The following ZFYVE9 variants were observed in gnomAD, a reference collection of about 807,000 sequenced individuals.
ZFYVE9 encodes zinc finger FYVE-type containing 9.
In ZFYVE9, 43 loss-of-function variants were observed where a neutral mutation model predicts 126.7. That is an observed-to-expected ratio of 0.34 (90% CI 0.27 to 0.44). The LOEUF (loss-of-function observed/expected upper bound fraction) is 0.44, where lower values mean the gene tolerates loss of function less well. Ranked by LOEUF, ZFYVE9 falls within the 20% of genes least tolerant of loss-of-function variation. The pLI, the probability that ZFYVE9 is intolerant of heterozygous loss-of-function variation, is 1.00. For synonymous variants in ZFYVE9, 521 were observed against 597.4 expected, an observed-to-expected ratio of 0.87 and a Z score of 1.87; for missense variants, 1,476 against 1,697.0, an observed-to-expected ratio of 0.87 and a Z score of 2.29.
At chr1:52,251,390 G>GT (rs1014240547) in intron 4 of ZFYVE9, among the ~76,000 whole-genome samples, 9 of 152,014 alleles carry the variant, frequency 5.9e-5, no homozygotes, top group Admixed American at 3.3e-4. Flanking sequence ...GTTTTTTAAA[G>GT]TTTTTTTTAA....
intron 1 of ZFYVE9, among the ~76,000 whole-genome samples, chr1:52,153,090 C>G (rs971844634): frequency 6.6e-6 from 1 of 152,118 alleles, no homozygotes; most frequent in Admixed American, 6.5e-5. Context: ...CTAGAGCTGC[C>G]CAAGGAGAGC....
chr1:52,300,742 C>A (rs1471717835), intron 12 of ZFYVE9, among the ~76,000 whole-genome samples: 2 of 151,140 alleles, frequency 1.3e-5, no homozygotes, highest in Non-Finnish European at 2.9e-5. Context: ...TGTAGGTTTG[C>A]TGCTGATGAA....
At chr1:52,271,320 A>C (rs1210677239) in intron 7 of ZFYVE9, among the ~76,000 whole-genome samples, 4 of 152,288 alleles carry the variant, frequency 2.6e-5, no homozygotes, top group Non-Finnish European at 2.9e-5. Flanking sequence ...AGAGAAAGCA[A>C]ACTCTTTAAT....
intron 1 of ZFYVE9, among the ~76,000 whole-genome samples, chr1:52,167,440 T>C (rs1644524207): frequency 6.6e-6 from 1 of 152,176 alleles, no homozygotes; most frequent in Non-Finnish European, 1.5e-5. Context: ...AATTGCACGT[T>C]GCCATGAAGA....
intron 13 of ZFYVE9, among the ~76,000 whole-genome samples, chr1:52,328,957 G>T (rs531832974): frequency 4.8e-4 from 73 of 152,280 alleles, no homozygotes; most frequent in African/African-American, 1.8e-3. Context: ...AGATGATGAT[G>T]ATGCCTTAGA....
intron 16 of ZFYVE9, 146 bp downstream of exon 16, chr1:52,338,080 A>T: frequency 9.0e-7 from 1 of 1,110,218 alleles, no homozygotes; most frequent in Non-Finnish European, 1.2e-6. Flanking sequence ...GTAGAATTTT[A>T]AATTTCTGGT....
chr1:52,170,567 A>T (rs1323712464), intron 1 of ZFYVE9, among the ~76,000 whole-genome samples: 1 of 151,752 alleles, frequency 6.6e-6, no homozygotes, highest in East Asian at 1.9e-4. Context: ...AAGATGCATC[A>T]TTAGGTTATT....
chr1:52,270,737 ATTAATAT>A (rs1230215391), intron 7 of ZFYVE9, among the ~76,000 whole-genome samples: 1 of 148,998 alleles, frequency 6.7e-6, no homozygotes, highest in Non-Finnish European at 1.5e-5. Context: ...TTTTTATATC[ATTAATAT>A]TTAAGTATTT....
intron 1 of ZFYVE9, among the ~76,000 whole-genome samples, chr1:52,154,188 A>G (rs1644381525): frequency 6.6e-6 from 1 of 152,220 alleles, no homozygotes; most frequent in African/African-American, 2.4e-5. Context: ...GTCTCTATGG[A>G]CAGGAAAGGC....
At position 52,205,067 on chromosome 1, in the gene ZFYVE9, A is replaced by ATT. The variant is rs891218048; in HGVS notation, c.-142-11279_-142-11278dup. 3.3e-3 allele frequency among the ~76,000 whole-genome samples: 393 copies of ATT among 117,728 alleles called. 1 individual carries two copies. The highest frequency in any genetic ancestry group is 8.1e-3 in the African/African-American group (232 of 28,714). 77.2% of individuals were successfully genotyped at this position (117,728 alleles called of 152,430 possible). Reference sequence around the variant, plus strand: ...ATTTGGGTCAGGGTTTGTGCTGTGAATTTTTTTTTTTTTTTTTTTTTTTTG... The same window carrying ATT: ...ATTTGGGTCAGGGTTTGTGCTGTGAATTTTTTTTTTTTTTTTTTTTTTTTTTG... On this transcript the variant is annotated intron_variant, in intron 1 of 18. Coordinates refer to ENST00000287727, the MANE Select transcript of ZFYVE9 (RefSeq NM_004799.4).
rs558565616 is a variant in ZFYVE9 at position 52,149,548 on chromosome 1, CAAT to C, written c.-143+7146_-143+7148del. Among the ~76,000 whole-genome samples the C allele has an allele frequency of 2.5e-3, 386 of 152,304 alleles. 2 individuals carry two copies. Among genetic ancestry groups the C allele is most frequent in the African/African-American group, 8.3e-3 (345 of 41,568 alleles). On this transcript the variant is annotated intron_variant, in intron 1 of 18. Transcript: ENST00000287727. ...GATTTTAAGAATTGCCGTTACCTCT[CAAT>C]GATACATAATTTTATATAAATACAA...
At chr1:52,318,602 TAA>T (rs1269953267) in intron 13 of ZFYVE9, among the ~76,000 whole-genome samples, 2 of 151,688 alleles carry the variant, frequency 1.3e-5, no homozygotes, top group Non-Finnish European at 2.9e-5. Flanking sequence ...GGAAAAAAAA[TAA>T]GAGTCATAAA....
At chr1:52,333,969 T>C (rs959105313) in intron 14 of ZFYVE9, among the ~76,000 whole-genome samples, 1 of 152,032 alleles carries the variant, frequency 6.6e-6, no homozygotes, top group Non-Finnish European at 1.5e-5. Context: ...GGCACATGCC[T>C]GTAGTCCCAG....
At chr1:52,286,891 T>G (rs1209621181) in intron 10 of ZFYVE9, among the ~76,000 whole-genome samples, 1 of 152,170 alleles carries the variant, frequency 6.6e-6, no homozygotes, top group African/African-American at 2.4e-5. Flanking sequence ...GTTCATTTTG[T>G]GTATATTCTG....
rs1389209444 is a variant in ZFYVE9 at position 52,346,153 on chromosome 1, G to A, written c.4210G>A (p.Ala1404Thr). Residue 1404 changes from alanine (A) to threonine (T), a missense_variant, in exon 19 of 19, where the codon GCC becomes ACC. Ala to Thr is a moderately conservative substitution (Grantham distance 58, BLOSUM62 0). Around this residue, in one of 2 missense-constraint regions of ZFYVE9, gnomAD observed 669 missense variants for 902.4 expected, o/e 0.74. Coordinates refer to ENST00000287727, the MANE Select transcript of ZFYVE9 (RefSeq NM_004799.4). Reference sequence around the variant, plus strand: ...CTTGGTGCCGGTGATCCATGGAGGGGCCTGCCAGCTTAGTGAGGGCCCCGT... The same window carrying A: ...CTTGGTGCCGGTGATCCATGGAGGGACCTGCCAGCTTAGTGAGGGCCCCGT... ...SALVPVIHGG[A>T]CQLSEGPVVM... 6.2e-7 allele frequency: 1 copy of A among 1,613,078 alleles called. No homozygotes were observed. Among genetic ancestry groups the A allele is most frequent in the South Asian group, 1.1e-5 (1 of 91,004 alleles).
chr1:52,240,835 C>G (rs981540824), intron 4 of ZFYVE9, among the ~76,000 whole-genome samples: 1 of 152,000 alleles, frequency 6.6e-6, no homozygotes, highest in African/African-American at 2.4e-5. Flanking sequence ...AATTTTAGAC[C>G]ATAACCAATT....
Position 52,346,149 on chromosome 1 carries a change from A to T in ZFYVE9, c.4206A>T (p.Gly1402=), listed in dbSNP as rs1333446046. 6 of 1,613,430 alleles carry T rather than the reference A, an allele frequency of 3.7e-6. No homozygotes were observed. The highest frequency in any genetic ancestry group is 5.1e-6 in the Non-Finnish European group (6 of 1,179,464). ...GCGCCTTGGTGCCGGTGATCCATGG[A>T]GGGGCCTGCCAGCTTAGTGAGGGCC... ...LDSALVPVIH[G]GACQLSEGPV... Residue 1402 remains glycine (G), a synonymous_variant, in exon 19 of 19, where the codon GGA becomes GGT. Coordinates refer to ENST00000287727, the MANE Select transcript of ZFYVE9 (RefSeq NM_004799.4).
rs1440796248 is a variant in ZFYVE9, at chr1:52,189,682, T to TG, written c.-142-26687_-142-26686insG. ...GCCACCGCACTTGGCCTTAGGTTGT[T>TG]TTTTTTTTTTTAAACTTGTGCTTTT... is the stretch of plus-strand genomic sequence containing the variant. On this transcript the variant is annotated intron_variant, in intron 1 of 18. Transcript: ENST00000287727. Among the ~76,000 whole-genome samples the TG allele has an allele frequency of 1.4e-4, 21 of 150,324 alleles. No homozygotes were observed. The East Asian group carries it at 2.1e-3, about 15-fold the overall frequency.
chr1:52,229,757 A>T (rs1645200582), intron 2 of ZFYVE9, among the ~76,000 whole-genome samples: 1 of 152,234 alleles, frequency 6.6e-6, no homozygotes, highest in Non-Finnish European at 1.5e-5. Context: ...ATGTGTATTT[A>T]TAGATGGTGA....
Sources: gnomAD v4.1 joint callset for allele counts (sites outside exome capture counted in the v4.1 genomes callset) on GRCh38, gnomAD v4.1.1 for gene constraint, gnomAD v4.1.1 regional missense constraint, MANE v1.5 for transcripts, NCBI Gene and HGNC (gene_info 2026-07-23, HGNC 2026-07-21) for gene names.